The following TAF7L variants were observed in gnomAD, a reference collection of about 807,000 sequenced individuals.
TAF7L encodes transcription initiation factor TFIID subunit 7-like.
A neutral mutation model predicts 30.2 loss-of-function variants in TAF7L; 6 were observed. That is an observed-to-expected ratio of 0.20 (90% confidence interval 0.11 to 0.39). The LOEUF is 0.39. Among genes scored for constraint, TAF7L ranks in the 10% least tolerant of loss-of-function variants. TAF7L has a pLI of 1.00. For missense variants in TAF7L, 284 were observed against 277.1 expected (o/e 1.03, Z -0.18); for synonymous variants, 93 against 94.5 (o/e 0.98, Z 0.09).
upstream of TAF7L, chrX:101,292,978 G>A (rs770685268): frequency 1.3e-5 from 16 of 1,208,473 alleles, no homozygotes; most frequent in Non-Finnish European, 1.8e-5. Context: ...AGTTACTTCC[G>A]ATGTTGAAAC....
intron 9 of TAF7L, among the ~76,000 whole-genome samples, chrX:101,276,753 G>A (rs1250094310): frequency 4.5e-5 from 5 of 110,876 alleles, no homozygotes; most frequent in African/African-American, 1.6e-4. Flanking sequence ...GAGACTCTAA[G>A]GGTCATAGGA....
chrX:101,291,358 G>A, upstream of TAF7L: 8 of 703,700 alleles, frequency 1.1e-5, no homozygotes, highest in Non-Finnish European at 1.3e-5. Context: ...CGCCTGGACA[G>A]TAAAAGCGGC....
At chrX:101,289,462 ATTTG>A (rs1162876474) in intron 1 of TAF7L, among the ~76,000 whole-genome samples, 1 of 111,603 alleles carries the variant, frequency 9.0e-6, no homozygotes, top group East Asian at 2.8e-4. Context: ...TGTTTTCATT[ATTTG>A]TTTTTCAATT....
chrX:101,289,860 A>G (rs1462409783), intron 1 of TAF7L, among the ~76,000 whole-genome samples: 2 of 106,643 alleles, frequency 1.9e-5, no homozygotes, highest in Non-Finnish European at 3.9e-5. Context: ...AAGTGTTGGG[A>G]TTGTGGGCAT....
At position 101,276,437 on chromosome X, in the gene TAF7L, C is replaced by A. The variant is rs773052019; in HGVS notation, c.783G>T (p.Glu261Asp). 1 of 1,203,430 alleles carries A rather than the reference C, an allele frequency of 8.3e-7. No homozygotes were observed. Among genetic ancestry groups the A allele is most frequent in the South Asian group, 1.8e-5 (1 of 56,729 alleles). Residue 261 changes from glutamate (E) to aspartate (D), a missense_variant, in exon 10 of 13, where the codon GAG (glutamate) becomes GAT (aspartate). Physicochemically the swap from Glu to Asp is conservative, Grantham distance 45. Coordinates refer to ENST00000356784, the MANE Select transcript of TAF7L (RefSeq NM_001168474.2). ...CTTTGTCTTCATCTTCATCCTCATC[C>A]TCATCCTCATCCTCATCTTCATCAT... ...DEDDEDEDED[E>D]DEDEDEDKEE...
At chrX:101,286,502 A>G in intron 3 of TAF7L, 73 bp downstream of exon 3, 2 of 752,742 alleles carry the variant, frequency 2.7e-6, no homozygotes, top group Non-Finnish European at 4.0e-6. Flanking sequence ...AGTACCAAGT[A>G]CAGTGTATGG....
At position 101,279,101 on chromosome X, in the gene TAF7L, C is replaced by G. The variant is rs56204487; in HGVS notation, c.463-66G>C. ...CTATATTTCAGTAAAGCTTAAAGAG[C>G]TCTACAACTATCCTTAACTTAGTTT... On this transcript the variant is annotated intron_variant, in intron 6 of 12. Coordinates refer to ENST00000356784, the MANE Select transcript of TAF7L (RefSeq NM_001168474.2). 138 of 905,213 alleles carry G rather than the reference C, an allele frequency of 1.5e-4. 1 individual carries two copies. Among genetic ancestry groups the G allele is most frequent in the Non-Finnish European group, 2.1e-4 (133 of 632,220 alleles). The allele number at this position is 905,213 out of a possible 1,213,427, so 74.6% of individuals were successfully genotyped here.
intron 12 of TAF7L, among the ~76,000 whole-genome samples, chrX:101,271,480 A>T (rs1397933225): frequency 9.0e-6 from 1 of 111,666 alleles, no homozygotes; most frequent in Non-Finnish European, 1.9e-5. Flanking sequence ...GTATTTGTGT[A>T]TCTAAACATA....
intron 1 of TAF7L, among the ~76,000 whole-genome samples, chrX:101,288,751 T>G (rs991835863): frequency 9.0e-5 from 10 of 110,607 alleles, no homozygotes; most frequent in Non-Finnish European, 1.3e-4. Flanking sequence ...AATACTTTCT[T>G]CCAAGTTAAT....
chrX:101,276,592 A>G, intron 9 of TAF7L, 64 bp from the exon 10 acceptor site: 1 of 1,096,304 alleles, frequency 9.1e-7, no homozygotes, highest in Middle Eastern at 3.3e-4. Context: ...CATACTCCAG[A>G]TATAATTATA....
intron 2 of TAF7L, among the ~76,000 whole-genome samples, chrX:101,287,267 T>C (rs1444841364): frequency 9.0e-6 from 1 of 111,142 alleles, no homozygotes; most frequent in Non-Finnish European, 1.9e-5. Flanking sequence ...GAAATCAACC[T>C]GCATGATAGG....
At chrX:101,284,121 A>G (rs1253676668) in intron 3 of TAF7L, among the ~76,000 whole-genome samples, 2 of 111,823 alleles carry the variant, frequency 1.8e-5, no homozygotes, top group Non-Finnish European at 3.8e-5. Flanking sequence ...GTCTTTTGAC[A>G]CAAGAGGATT....
chrX:101,284,386 A>T (rs982182638), intron 3 of TAF7L, among the ~76,000 whole-genome samples: 2 of 111,732 alleles, frequency 1.8e-5, no homozygotes, highest in African/African-American at 6.5e-5. Context: ...TTTCTTTGAG[A>T]AGGAGTCTCA....
In TAF7L at chrX:101,277,536, T is replaced by C; in HGVS notation, c.691+70A>G. 5 of 517,126 alleles carry C rather than the reference T, an allele frequency of 9.7e-6. No individual in the cohort carries two copies. The South Asian group carries it at 1.7e-4, about 18-fold the overall frequency. 42.6% of individuals were successfully genotyped at this position (517,126 alleles called of 1,213,427 possible). A position where few individuals can be genotyped will look rare whatever the true frequency, so the allele number is the denominator to read the frequency against. ...TTTTTTGGATTGGCCTATGAATTTA[T>C]GGAAAATGATCTGATACCCAGTCAA... On this transcript the variant is annotated intron_variant, in intron 9 of 12. Transcript: ENST00000356784.
chrX:101,269,035 C>T lies in TAF7L; in HGVS notation c.*158G>A, dbSNP rs1002000588. On this transcript the variant is annotated 3_prime_UTR_variant, in exon 13 of 13. Transcript: ENST00000356784. ...TTTTATACTGGCCTTTTCTACATGA[C>T]TACAAACTGTGAGCATATTTTAAGT... The T allele has an allele frequency of 2.4e-6, 1 of 421,282 alleles. No individual in the cohort carries two copies. Among genetic ancestry groups the T allele is most frequent in the Admixed American group, 4.4e-5 (1 of 22,781 alleles). The allele number at this position is 421,282 out of a possible 1,213,427, so 34.7% of individuals were successfully genotyped here. A position where few individuals can be genotyped will look rare whatever the true frequency, so the allele number is the denominator to read the frequency against.
At chrX:101,284,436 C>T (rs1384061928) in intron 3 of TAF7L, among the ~76,000 whole-genome samples, 1 of 112,299 alleles carries the variant, frequency 8.9e-6, no homozygotes, top group Non-Finnish European at 1.9e-5. Flanking sequence ...ATAATCTCTG[C>T]TCACTGCAAT....
intron 12 of TAF7L, among the ~76,000 whole-genome samples, chrX:101,273,328 G>A (rs758993955): frequency 3.6e-5 from 4 of 111,384 alleles, no homozygotes; most frequent in South Asian, 7.6e-4. Context: ...GGTGGCTCAC[G>A]CCTGTAATCC....
chrX:101,275,301 AATG>A lies in TAF7L; in HGVS notation c.1027-23_1027-21del. On this transcript the variant is annotated intron_variant, in intron 11 of 12. Coordinates refer to ENST00000356784, the MANE Select transcript of TAF7L (RefSeq NM_001168474.2). ...ATGATTCTGAAAAATAAATTGTATA[AATG>A]ATGAACACTGAGTCTCAAAGAAAAA... is the stretch of plus-strand genomic sequence containing the variant. 2.8e-6 allele frequency: 3 copies of A among 1,058,274 alleles called. No homozygotes were observed. Among genetic ancestry groups the A allele is most frequent in the Non-Finnish European group, 3.8e-6 (3 of 785,487 alleles). 87.2% of individuals were successfully genotyped at this position (1,058,274 alleles called of 1,213,427 possible). A position where few individuals can be genotyped will look rare whatever the true frequency, so the allele number is the denominator to read the frequency against.
intron 1 of TAF7L, among the ~76,000 whole-genome samples, chrX:101,290,285 T>C (rs1486759377): frequency 8.9e-6 from 1 of 111,928 alleles, no homozygotes; most frequent in Non-Finnish European, 1.9e-5. Context: ...GCATTATTTG[T>C]GATTGTAATT....
Sources: gnomAD v4.1 joint callset for allele counts (sites outside exome capture counted in the v4.1 genomes callset) on GRCh38, gnomAD v4.1.1 for gene constraint, MANE v1.5 for transcripts, NCBI Gene and HGNC (gene_info 2026-07-23, HGNC 2026-07-21) for gene names.